FOXP2: variants seen among roughly 807,000 people sequenced by gnomAD.
FOXP2 encodes the protein forkhead box P2.
FOXP2 carries 12 observed loss-of-function variants against 115.8 expected under a neutral mutation model. The ratio of observed to expected loss-of-function variants is 0.10; its 90% CI spans 0.07 to 0.17. The LOEUF is 0.17. FOXP2 is among the 10% of genes least tolerant of loss of function. The pLI is 1.00. For synonymous variants in FOXP2, 328 were observed against 297.7 expected (o/e 1.10, Z -1.05); for missense variants, 629 against 843.5 (o/e 0.75, Z 3.15).
intron 2 of FOXP2, among the ~76,000 whole-genome samples, chr7:114,328,581 T>C (rs1446024051): frequency 6.6e-6 from 1 of 152,186 alleles, no homozygotes; most frequent in African/African-American, 2.4e-5. Context: ...GGACATGCAG[T>C]AACAATAATA....
rs1294745172 is a variant in FOXP2 at position 114,232,875 on chromosome 7, G to A, written c.-101-55144G>A. Among the ~76,000 whole-genome samples, 9 of 151,968 alleles carry A rather than the reference G, an allele frequency of 5.9e-5. 1 individual carries two copies. In the South Asian group the frequency reaches 1.5e-3, roughly 25 times the overall value. On this transcript the variant is annotated intron_variant, in intron 1 of 17. Transcript: ENST00000634411. ...TCCTATTATATGCTATAACGTGAATGAAATTTGAGATCATTATGCTAAATG... is the reference window on the plus strand; with the variant it reads ...TCCTATTATATGCTATAACGTGAATAAAATTTGAGATCATTATGCTAAATG...
intron 1 of FOXP2, among the ~76,000 whole-genome samples, chr7:114,250,726 A>G (rs1795419400): frequency 6.6e-6 from 1 of 151,862 alleles, no homozygotes; most frequent in Non-Finnish European, 1.5e-5. Context: ...GATTGCAAAA[A>G]TTTTCTCCCA....
At chr7:114,129,399 G>T (rs1251636116) in intron 1 of FOXP2, among the ~76,000 whole-genome samples, 1 of 152,048 alleles carries the variant, frequency 6.6e-6, no homozygotes, top group Non-Finnish European at 1.5e-5. Context: ...CACACACATT[G>T]GTTACTGGAT....
chr7:114,391,411 A>G (rs1792597003), intron 2 of FOXP2, among the ~76,000 whole-genome samples: 1 of 152,238 alleles, frequency 6.6e-6, no homozygotes, highest in South Asian at 2.1e-4. Context: ...AGATGTGCCT[A>G]TACAAATACA....
intron 1 of FOXP2, among the ~76,000 whole-genome samples, chr7:114,192,153 A>C (rs1421465219): frequency 1.3e-5 from 2 of 152,080 alleles, no homozygotes; most frequent in African/African-American, 2.4e-5. Flanking sequence ...CACCCAGCTA[A>C]TTTTTGTATT....
rs3028216 is a variant in FOXP2, at chr7:114,497,665, GTAAATAAATAAATAAA to G, written c.169-36923_169-36908del. Among the ~76,000 whole-genome samples, 739 of 145,614 alleles carry G rather than the reference GTAAATAAATAAATAAA, an allele frequency of 5.1e-3. 13 individuals are homozygous for G. Among genetic ancestry groups the G allele is most frequent in the African/African-American group, 0.017 (672 of 39,714 alleles). On this transcript the variant is annotated intron_variant, in intron 2 of 16. Coordinates refer to ENST00000350908, the MANE Select transcript of FOXP2 (RefSeq NM_014491.4). ...AAGCCTCCATCTAAAAAATAAATAA[GTAAATAAATAAATAAA>G]TAAATAAATAAATAAATAAATAAAT...
At chr7:114,586,521 A>C (rs984712692) in intron 3 of FOXP2, among the ~76,000 whole-genome samples, 1 of 152,106 alleles carries the variant, frequency 6.6e-6, no homozygotes, top group Non-Finnish European at 1.5e-5. Context: ...ATATGCAAAT[A>C]GATTTTAACA....
chr7:114,289,017 T>C (rs1796530821), intron 2 of FOXP2, among the ~76,000 whole-genome samples: 1 of 151,836 alleles, frequency 6.6e-6, no homozygotes. Flanking sequence ...TAAATTTCTC[T>C]AGCAATTTCT....
intron 2 of FOXP2, among the ~76,000 whole-genome samples, chr7:114,330,581 ATTG>A (rs1040210426): frequency 1.3e-5 from 2 of 151,386 alleles, no homozygotes; most frequent in Non-Finnish European, 2.9e-5. Flanking sequence ...TTGTATGAGT[ATTG>A]TTGCATGATG....
At chr7:114,356,733 G>A (rs1423727325) in intron 2 of FOXP2, among the ~76,000 whole-genome samples, 1 of 152,124 alleles carries the variant, frequency 6.6e-6, no homozygotes, top group African/African-American at 2.4e-5. Context: ...TCTAATATTA[G>A]TCAAGGCTAA....
intron 2 of FOXP2, among the ~76,000 whole-genome samples, chr7:114,373,175 GTTTGT>G (rs563384759): frequency 2.6e-5 from 4 of 151,892 alleles, no homozygotes; most frequent in African/African-American, 4.8e-5. Context: ...TTGTTTGTTT[GTTTGT>G]TTTGTTTTGT....
chr7:114,662,321 G>A, intron 14 of FOXP2, 135 bp downstream of exon 14: 3 of 1,200,670 alleles, frequency 2.5e-6, no homozygotes, highest in Middle Eastern at 3.9e-4. Context: ...ACTGCATTTT[G>A]AATCTAGGTG....
intron 8 of FOXP2, among the ~76,000 whole-genome samples, chr7:114,650,491 G>A (rs1401990360): frequency 6.6e-6 from 1 of 151,888 alleles, no homozygotes; most frequent in East Asian, 1.9e-4. Flanking sequence ...ACACACAACT[G>A]TATTATGCTG....
chr7:114,507,751 G>C (rs1223770088), intron 2 of FOXP2, among the ~76,000 whole-genome samples: 1 of 151,936 alleles, frequency 6.6e-6, no homozygotes, highest in Non-Finnish European at 1.5e-5. Flanking sequence ...AAACTCCCCT[G>C]TTGACTTTTG....
At chr7:114,161,483 AG>A (rs1249190291), upstream of FOXP2, among the ~76,000 whole-genome samples, 3 of 151,932 alleles carry the variant, frequency 2.0e-5, no homozygotes, top group African/African-American at 7.3e-5. Flanking sequence ...TTTGTATTTT[AG>A]CTATTCTGAT....
intron 2 of FOXP2, among the ~76,000 whole-genome samples, chr7:114,321,186 T>TATTC (rs1234250139): frequency 6.7e-6 from 1 of 149,536 alleles, no homozygotes; most frequent in East Asian, 1.9e-4. Context: ...TTTATTTATT[T>TATTC]ATTTATTTAT....
chr7:114,642,388 G>A, intron 6 of FOXP2, 22 bp from the exon 7 acceptor site: 6 of 1,601,532 alleles, frequency 3.7e-6, no homozygotes, highest in Non-Finnish European at 5.1e-6. Flanking sequence ...TTATGCTAGT[G>A]AAGCTTTCTT....
At position 114,690,342 on chromosome 7, in the gene FOXP2, A is replaced by G. The variant is rs1043293688; in HGVS notation, c.*416A>G. 4.4e-6 allele frequency: 2 copies of G among 454,412 alleles called. No individual in the cohort carries two copies. The highest frequency in any genetic ancestry group is 3.1e-5 in the South Asian group (2 of 64,480). 28.1% of individuals were successfully genotyped at this position (454,412 alleles called of 1,614,324 possible). A position where few individuals can be genotyped will look rare whatever the true frequency, so the allele number is the denominator to read the frequency against. ...TTAGTTTCATTAATGTGAATTTTCCAGCATTCAGTAGTTGTAATGTTAGAA... is the reference window on the plus strand; with the variant it reads ...TTAGTTTCATTAATGTGAATTTTCCGGCATTCAGTAGTTGTAATGTTAGAA... On this transcript the variant is annotated 3_prime_UTR_variant, in exon 17 of 17. Coordinates refer to ENST00000350908, the MANE Select transcript of FOXP2 (RefSeq NM_014491.4).
At chr7:114,284,154 GA>G (rs1796406391) in intron 1 of FOXP2, among the ~76,000 whole-genome samples, 1 of 152,024 alleles carries the variant, frequency 6.6e-6, no homozygotes, top group South Asian at 2.1e-4. Flanking sequence ...GAAGAAATTA[GA>G]AAAGGGAATG....
Sources: gnomAD v4.1 joint callset for allele counts (sites outside exome capture counted in the v4.1 genomes callset) on GRCh38, gnomAD v4.1.1 for gene constraint, MANE v1.5 for transcripts, NCBI Gene and HGNC (gene_info 2026-07-23, HGNC 2026-07-21) for gene names.